The following SLC5A9 variants were observed in gnomAD, a reference collection of about 807,000 sequenced individuals.
SLC5A9 encodes the protein sodium/glucose cotransporter 4.
SLC5A9 carries 59 observed loss-of-function variants against 70.9 expected under a neutral mutation model. The observed-to-expected ratio is 0.83, with a 90% CI of 0.68 to 1.03. The LOEUF is 1.03. SLC5A9 is among the 50% of genes least tolerant of loss of function. SLC5A9 has a pLI of 0.00. For missense variants in SLC5A9, 832 were observed against 881.1 expected, an observed-to-expected ratio of 0.94 and a Z score of 0.71; for synonymous variants, 340 against 346.5, an observed-to-expected ratio of 0.98 and a Z score of 0.21.
intron 10 of SLC5A9, 42 bp downstream of exon 10, chr1:48,235,921 C>G: frequency 1.2e-6 from 2 of 1,612,500 alleles, no homozygotes; most frequent in South Asian, 2.2e-5. Context: ...GTGCCCTCTC[C>G]CCTCTGCCCT....
intron 13 of SLC5A9, 136 bp downstream of exon 13, chr1:48,242,752 T>A: frequency 1.2e-6 from 1 of 814,218 alleles, no homozygotes; most frequent in Non-Finnish European, 1.8e-6. Flanking sequence ...ACGTGGCTAC[T>A]GAACTATTTG....
Position 48,222,932 on chromosome 1 carries a change from A to T in SLC5A9, c.162+34A>T, listed in dbSNP as rs186928312. ...GCCCTGAGGCTGGGGCTAGCAGGGG[A>T]GGTAGTAGTGGTCTCTCAGCTTGGG... On this transcript the variant is annotated intron_variant, in intron 1 of 13. Coordinates refer to ENST00000438567, the MANE Select transcript of SLC5A9 (RefSeq NM_001011547.3). 2.3e-4 allele frequency: 371 copies of T among 1,609,692 alleles called. No homozygotes were observed. The African/African-American group carries it at 4.4e-3, about 19-fold the overall frequency.
chr1:48,232,281 C>T (rs987445827), intron 7 of SLC5A9, 86 bp from the exon 8 acceptor site: 4 of 1,568,748 alleles, frequency 2.5e-6, no homozygotes, highest in African/African-American at 1.3e-5. Flanking sequence ...AGTAGGGACA[C>T]AGTCATGCCC....
chr1:48,244,452 C>A (rs1644426874), intron 13 of SLC5A9, among the ~76,000 whole-genome samples: 1 of 151,994 alleles, frequency 6.6e-6, no homozygotes, highest in African/African-American at 2.4e-5. Flanking sequence ...GAGAAACAGC[C>A]ACTTGCCTAG....
chr1:48,247,711 G>A lies in SLC5A9; in HGVS notation c.*168G>A. 1 of 677,186 alleles carries A rather than the reference G, an allele frequency of 1.5e-6. No individual in the cohort carries two copies. 41.9% of individuals were successfully genotyped at this position (677,186 alleles called of 1,614,324 possible). On this transcript the variant is annotated 3_prime_UTR_variant, in exon 14 of 14. Transcript: ENST00000438567. ...TCAACCTGCACACTTGACAAGTGGA[G>A]AAACAGAAGCCCAGAGAGAGCACTG... is the stretch of plus-strand genomic sequence containing the variant.
Position 48,224,732 on chromosome 1 carries a change from C to T in SLC5A9, c.171C>T (p.Ile57=), listed in dbSNP as rs377008459. The T allele has an allele frequency of 1.2e-6, 2 of 1,614,128 alleles. No homozygotes were observed. The highest frequency in any genetic ancestry group is 2.2e-5 in the East Asian group (1 of 44,860). The change falls in exon 2 of 14, where the codon ATC becomes ATT. Residue 57 remains isoleucine (I), a synonymous_variant. Coordinates refer to ENST00000438567, the MANE Select transcript of SLC5A9 (RefSeq NM_001011547.3). The stretch of plus-strand genomic sequence containing the variant: ...ATCTATTTCCTTTCCAGTCGTCCAT[C>T]CGTGCAAGTCGAGGGACCATTGGCG... ...FVIAVGIWSS[I]RASRGTIGGY...
chr1:48,245,449 C>A (rs1644450196), intron 13 of SLC5A9, among the ~76,000 whole-genome samples: 1 of 152,088 alleles, frequency 6.6e-6, no homozygotes, highest in Non-Finnish European at 1.5e-5. Context: ...AAAAAGGAGG[C>A]ACCAAGTCAG....
At chr1:48,241,466 C>A (rs1644389722) in intron 12 of SLC5A9, among the ~76,000 whole-genome samples, 1 of 152,200 alleles carries the variant, frequency 6.6e-6, no homozygotes, top group South Asian at 2.1e-4. Flanking sequence ...AAGGGATACC[C>A]AGCTCAACAT....
At chr1:48,237,454 G>A (rs1569852685) in intron 10 of SLC5A9, among the ~76,000 whole-genome samples, 1 of 152,082 alleles carries the variant, frequency 6.6e-6, no homozygotes. Context: ...TGCCACGGAG[G>A]CATTAGAATT....
intron 2 of SLC5A9, 167 bp from the exon 3 acceptor site, chr1:48,228,683 A>G: frequency 8.7e-7 from 1 of 1,151,850 alleles, no homozygotes; most frequent in Non-Finnish European, 1.2e-6. Context: ...GGGATGACTA[A>G]TACCCCTCCC....
intron 13 of SLC5A9, among the ~76,000 whole-genome samples, chr1:48,245,025 C>T (rs1644444911): frequency 6.9e-6 from 1 of 145,270 alleles, no homozygotes; most frequent in Non-Finnish European, 1.5e-5. Context: ...ATCGTTAGTG[C>T]AGTTCTGTTG....
chr1:48,238,869 G>C (rs567768306), intron 11 of SLC5A9, among the ~76,000 whole-genome samples: 3 of 152,292 alleles, frequency 2.0e-5, no homozygotes, highest in African/African-American at 7.2e-5. Flanking sequence ...GCAACTAAAG[G>C]AAAGTCTCTA....
At chr1:48,236,613 T>C (rs1283700368) in intron 10 of SLC5A9, among the ~76,000 whole-genome samples, 1 of 152,248 alleles carries the variant, frequency 6.6e-6, no homozygotes. Context: ...TGCTTCATAA[T>C]CGAAGGTTCC....
chr1:48,247,208 C>T (rs1208588795), intron 13 of SLC5A9, 127 bp from the exon 14 acceptor site: 4 of 844,344 alleles, frequency 4.7e-6, no homozygotes, highest in Admixed American at 2.2e-5. Context: ...TTCTGTGCAC[C>T]CCCCATACTT....
chr1:48,244,878 G>GTGTGTATATATATATATATATATATA lies in SLC5A9; in HGVS notation c.1837+2263_1837+2264insGTGTATATATATATATATATATATAT, dbSNP rs1391896495. Among the ~76,000 whole-genome samples, 53 of 29,402 alleles carry GTGTGTATATATATATATATATATATA rather than the reference G, an allele frequency of 1.8e-3. 10 individuals are homozygous for GTGTGTATATATATATATATATATATA. The highest frequency in any genetic ancestry group is 4.9e-3 in the East Asian group (3 of 612). 19.3% of individuals were successfully genotyped at this position (29,402 alleles called of 152,430 possible). On this transcript the variant is annotated intron_variant, in intron 13 of 13. Coordinates refer to ENST00000438567, the MANE Select transcript of SLC5A9 (RefSeq NM_001011547.3). ...TGTGTGTGTGTATGTATGTGTATGT[G>GTGTGTATATATATATATATATATATA]TATATATATATATATATATATATAT...
Position 48,239,556 on chromosome 1 carries a change from C to T in SLC5A9, c.1677+19C>T, listed in dbSNP as rs1644369160. On this transcript the variant is annotated intron_variant, in intron 12 of 13. Transcript: ENST00000438567. This position sits in a 1 kb window ranked among gnomAD's most constrained non-coding sequence, Gnocchi z 4.2. ...GGAACAGGCAAGTGTTGTGCTCATA[C>T]TGAGGCCCTCCAGAAATGCTCTCCC... 2.5e-6 allele frequency: 4 copies of T among 1,607,148 alleles called. No homozygotes were observed. Among genetic ancestry groups the T allele is most frequent in the Non-Finnish European group, 1.7e-6 (2 of 1,173,776 alleles).
chr1:48,241,701 G>T (rs1644391859), intron 12 of SLC5A9, among the ~76,000 whole-genome samples: 1 of 129,962 alleles, frequency 7.7e-6, no homozygotes, highest in African/African-American at 2.6e-5. Flanking sequence ...GTGTGTACAT[G>T]TTCTCTCTCT....
chr1:48,244,872 G>GTATATATA lies in SLC5A9; in HGVS notation c.1837+2259_1837+2260insATATATAT, dbSNP rs1190631619. Among the ~76,000 whole-genome samples the GTATATATA allele has an allele frequency of 5.2e-3, 48 of 9,318 alleles. 9 individuals carry two copies. The highest frequency in any genetic ancestry group is 9.6e-3 in the Non-Finnish European group (32 of 3,326). 6.1% of individuals were successfully genotyped at this position (9,318 alleles called of 152,430 possible). A position where few individuals can be genotyped will look rare whatever the true frequency, so the allele number is the denominator to read the frequency against. On this transcript the variant is annotated intron_variant, in intron 13 of 13. Coordinates refer to ENST00000438567, the MANE Select transcript of SLC5A9 (RefSeq NM_001011547.3). ...AAAACCTGTGTGTGTGTATGTATGT[G>GTATATATA]TATGTGTATATATATATATATATAT...
At position 48,242,488 on chromosome 1, in the gene SLC5A9, G is replaced by A. The variant is rs1167455211; in HGVS notation, c.1709G>A (p.Cys570Tyr). 1.2e-6 allele frequency: 2 copies of A among 1,611,966 alleles called. No homozygotes were observed. Among genetic ancestry groups the A allele is most frequent in the African/African-American group, 1.3e-5 (1 of 74,868 alleles). ...CGCCTCACATGGTGGACTCGGAACT[G>A]CCCCCTCTCTGAGCTGGAGAAGGAG... ...LTRLTWWTRN[C>Y]PLSELEKEAH... Residue 570 changes from cysteine (C) to tyrosine (Y), a missense_variant, in exon 13 of 14, where the codon TGC becomes TAC. Cys to Tyr is a radical substitution (Grantham distance 194). Transcript: ENST00000438567.
Sources: gnomAD v4.1 joint callset for allele counts (sites outside exome capture counted in the v4.1 genomes callset) on GRCh38, gnomAD v4.1.1 for gene constraint, Gnocchi (gnomAD v3.1) non-coding constraint, MANE v1.5 for transcripts, NCBI Gene and HGNC (gene_info 2026-07-23, HGNC 2026-07-21) for gene names.